GOLM1: variants seen among roughly 807,000 people sequenced by gnomAD.
GOLM1 encodes the protein epididymis luminal protein 46.
In GOLM1, 31 loss-of-function variants were observed where a neutral mutation model predicts 50.5. The observed-to-expected ratio is 0.61, with a 90% CI of 0.46 to 0.83. The LOEUF (loss-of-function observed/expected upper bound fraction) is 0.83, where lower values mean the gene tolerates loss of function less well. Ranked by LOEUF, GOLM1 falls within the 40% of genes least tolerant of loss-of-function variation. GOLM1 has a pLI of 0.00. For synonymous variants in GOLM1, 178 were observed against 192.8 expected (o/e 0.92, Z 0.64); for missense variants, 491 against 501.3 (o/e 0.98, Z 0.20).
At chr9:86,037,492 T>C (rs1833186443) in intron 6 of GOLM1, among the ~76,000 whole-genome samples, 1 of 143,182 alleles carries the variant, frequency 7.0e-6, no homozygotes, top group Non-Finnish European at 1.5e-5. Context: ...AAACACAGCA[T>C]ACCAAAACTT....
At chr9:86,053,518 A>C (rs1488854055) in intron 3 of GOLM1, among the ~76,000 whole-genome samples, 22 of 81,210 alleles carry the variant, frequency 2.7e-4, no homozygotes, top group Non-Finnish European at 3.6e-4. Context: ...TGCTCCACAC[A>C]ACACACCACT....
At chr9:86,081,797 G>C (rs1226592212) in intron 1 of GOLM1, among the ~76,000 whole-genome samples, 1 of 151,480 alleles carries the variant, frequency 6.6e-6, no homozygotes, top group Non-Finnish European at 1.5e-5. Flanking sequence ...GCTGAGACAG[G>C]AGAAAAGCTT....
chr9:86,079,208 C>T lies in GOLM1; in HGVS notation c.113G>A (p.Arg38Gln), dbSNP rs763578163. 8.7e-5 allele frequency: 139 copies of T among 1,595,132 alleles called. No homozygotes were observed. The highest frequency in any genetic ancestry group is 1.1e-4 in the Admixed American group (6 of 55,546). The change falls in exon 2 of 10, where the codon CGG (arginine) becomes CAG (glutamine). Residue 38 changes from arginine to glutamine, a missense_variant. Physicochemically the swap from Arg to Gln is conservative, Grantham distance 43. Transcript: ENST00000388712. ...ACAAAACACCTGGAGGTCCACGCTC[C>T]GGGAGCTCGCAATCCAGTAGTTGAA... ...LGFNYWIASS[R>Q]SVDLQTRIME...
chr9:86,062,906 C>T (rs916289823), intron 3 of GOLM1, among the ~76,000 whole-genome samples: 2 of 152,196 alleles, frequency 1.3e-5, no homozygotes, highest in African/African-American at 4.8e-5. Flanking sequence ...AGTGGACGAG[C>T]GCCTGTCTTC....
chr9:86,079,776 T>C (rs975784649), intron 1 of GOLM1: 1 of 154,024 alleles, frequency 6.5e-6, no homozygotes, highest in African/African-American at 2.4e-5. Flanking sequence ...TATTAAGTGC[T>C]TCCGCATCAT....
At chr9:86,095,972 T>A (rs1222356706) in intron 1 of GOLM1, among the ~76,000 whole-genome samples, 2 of 152,238 alleles carry the variant, frequency 1.3e-5, no homozygotes, top group Non-Finnish European at 2.9e-5. Flanking sequence ...GCTTTCTTAC[T>A]ATTTGCATGA....
chr9:86,043,844 CTG>C (rs1491502517), intron 5 of GOLM1, among the ~76,000 whole-genome samples: 6 of 152,214 alleles, frequency 3.9e-5, no homozygotes, highest in Admixed American at 1.3e-4. Context: ...TGGATCCTGA[CTG>C]ATTGCCAGCT....
At chr9:86,079,440 A>C in intron 1 of GOLM1, 99 bp from the exon 2 acceptor site, 1 of 971,888 alleles carries the variant, frequency 1.0e-6, no homozygotes, top group Non-Finnish European at 1.5e-6. Context: ...GAGTCTTGCC[A>C]AGAAGCGTGG....
chr9:86,040,797 T>C lies in GOLM1; in HGVS notation c.539A>G (p.Lys180Arg), dbSNP rs1273695918. 8 of 1,613,168 alleles carry C rather than the reference T, an allele frequency of 5.0e-6. No individual in the cohort carries two copies. The highest frequency in any genetic ancestry group is 5.9e-6 in the Non-Finnish European group (7 of 1,179,198). Residue 180 changes from lysine (K) to arginine (R), a missense_variant, in exon 6 of 10, where the codon AAG becomes AGG. By Grantham distance (26) the Lys-to-Arg change is conservative. Transcript: ENST00000388712. ...TCTGGAAGCTACAGCTTCATTCCCC[T>C]TTTTGGTGACCTCTTCTATTCGCTC... Reference protein sequence around the residue: ...CEERIEEVTKKGNEAVASRDL... With the variant: ...CEERIEEVTKRGNEAVASRDL...
At chr9:86,084,165 T>C (rs1009138937) in intron 1 of GOLM1, among the ~76,000 whole-genome samples, 1 of 152,206 alleles carries the variant, frequency 6.6e-6, no homozygotes, top group Admixed American at 6.5e-5. Flanking sequence ...TTTGGGGGCA[T>C]TATCATCCCC....
intron 3 of GOLM1, among the ~76,000 whole-genome samples, chr9:86,073,671 G>C (rs945045206): frequency 1.3e-5 from 2 of 152,314 alleles, no homozygotes; most frequent in African/African-American, 4.8e-5. Context: ...CTCCACTGAG[G>C]AACATGGCTC....
chr9:86,067,606 T>C (rs146599016), intron 3 of GOLM1, among the ~76,000 whole-genome samples: 47 of 152,316 alleles, frequency 3.1e-4, no homozygotes, highest in Non-Finnish European at 6.0e-4. Flanking sequence ...ACCACACTCA[T>C]TTCCAAGGCA....
At chr9:86,038,387 C>T (rs56378463) in intron 6 of GOLM1, among the ~76,000 whole-genome samples, 9 of 152,080 alleles carry the variant, frequency 5.9e-5, no homozygotes, top group East Asian at 1.9e-4. Flanking sequence ...CCGGCCCTCA[C>T]GAGGAGCGCA....
At chr9:86,098,167 A>G (rs1164119644) in intron 1 of GOLM1, among the ~76,000 whole-genome samples, 1 of 152,208 alleles carries the variant, frequency 6.6e-6, no homozygotes, top group African/African-American at 2.4e-5. Context: ...TAACAATTCA[A>G]TTTTTGTTCA....
At chr9:86,034,032 T>G (rs186223850) in intron 8 of GOLM1, among the ~76,000 whole-genome samples, 36 of 151,218 alleles carry the variant, frequency 2.4e-4, no homozygotes, top group Admixed American at 2.3e-3. Flanking sequence ...TGGCGTAATC[T>G]CGGCTCACTG....
chr9:86,036,708 C>T (rs1354480173), intron 6 of GOLM1: 8 of 591,646 alleles, frequency 1.4e-5, no homozygotes, highest in African/African-American at 3.7e-5. Context: ...GTCAAGGTCT[C>T]CCAGAAAGTA....
intron 1 of GOLM1, among the ~76,000 whole-genome samples, chr9:86,091,018 C>T (rs1380180047): frequency 6.6e-6 from 1 of 152,102 alleles, no homozygotes; most frequent in Non-Finnish European, 1.5e-5. Flanking sequence ...GAGGAGTTCC[C>T]CAACCCCTTG....
At chr9:86,038,160 GAAA>G (rs552680791) in intron 6 of GOLM1, among the ~76,000 whole-genome samples, 1 of 88,334 alleles carries the variant, frequency 1.1e-5, no homozygotes, top group Non-Finnish European at 2.5e-5. Flanking sequence ...AACACCAAAA[GAAA>G]AAAAAAAAAA....
In GOLM1 at chr9:86,046,490, C is replaced by T. The variant is rs745928797; in HGVS notation, c.447G>A (p.Glu149=). 26 of 1,610,344 alleles carry T rather than the reference C, an allele frequency of 1.6e-5. No homozygotes were observed. In the East Asian group the frequency reaches 5.3e-4, roughly 33 times the overall value. Residue 149 remains glutamate (E), a synonymous_variant, in exon 5 of 10, where the codon GAG becomes GAA. Coordinates refer to ENST00000388712, the MANE Select transcript of GOLM1 (RefSeq NM_016548.4). ...LQFQKNQTNL[E]RKFSYDLSQC... Reference sequence around the variant, plus strand: ...CTCACAGGTCGTAGGAGAACTTCCTCTCCAGGTTGGTCTGGTTCTTCTGAA... The same window carrying T: ...CTCACAGGTCGTAGGAGAACTTCCTTTCCAGGTTGGTCTGGTTCTTCTGAA...
Sources: allele counts gnomAD v4.1 joint callset (sites outside exome capture counted in the v4.1 genomes callset), GRCh38; gene constraint gnomAD v4.1.1; transcripts MANE v1.5; gene names NCBI Gene and HGNC (gene_info 2026-07-23, HGNC 2026-07-21).